Variants in STAT3 observed in about 807,000 individuals in gnomAD.
The protein encoded by STAT3 is signal transducer and activator of transcription 3, also known as DNA-binding protein APRF.
In STAT3, 7 loss-of-function variants were observed where a neutral mutation model predicts 114.3. The observed-to-expected ratio is 0.06, with a 90% CI of 0.03 to 0.11. The LOEUF (loss-of-function observed/expected upper bound fraction) is 0.11, where lower values mean the gene tolerates loss of function less well. STAT3 is among the 10% of genes least tolerant of loss of function. STAT3 has a pLI of 1.00. For synonymous variants in STAT3, 331 were observed against 354.5 expected (o/e 0.93, Z 0.74); for missense variants, 364 against 960.9 (o/e 0.38, Z 8.21).
chr17:42,367,128 C>T (rs2083845453), intron 1 of STAT3, among the ~76,000 whole-genome samples: 1 of 151,654 alleles, frequency 6.6e-6, no homozygotes, highest in Admixed American at 6.6e-5. Context: ...GGTGACACAG[C>T]GAGACTCCGT....
intron 14 of STAT3, among the ~76,000 whole-genome samples, chr17:42,328,286 A>C (rs1475026501): frequency 1.3e-5 from 2 of 152,204 alleles, no homozygotes; most frequent in African/African-American, 4.8e-5. Flanking sequence ...ATACTATTCA[A>C]ATTATTTTAC....
In STAT3 at chr17:42,350,009, T is replaced by C. The variant is rs979571626; in HGVS notation, c.-23-1470A>G. Among the ~76,000 whole-genome samples the C allele has an allele frequency of 4.4e-4, 66 of 151,442 alleles. 1 individual carries two copies. The highest frequency in any genetic ancestry group is 6.6e-5 in the Admixed American group (1 of 15,162). On this transcript the variant is annotated intron_variant, in intron 1 of 23. Transcript: ENST00000264657. ...AGGCAGAGGTTGAGGTGAGCTGAGA[T>C]CGTGCCACTGCATTCCAGTCTGGCA...
At chr17:42,336,805 CATGT>C (rs1412665666) in intron 8 of STAT3, among the ~76,000 whole-genome samples, 1 of 151,794 alleles carries the variant, frequency 6.6e-6, no homozygotes, top group African/African-American at 2.4e-5. Context: ...TTAAAAAGGG[CATGT>C]GTCATTTTAG....
In STAT3 at chr17:42,343,826, A is replaced by G. The variant is rs73983714; in HGVS notation, c.372+1733T>C. Among the ~76,000 whole-genome samples the G allele has an allele frequency of 2.7e-3, 415 of 152,232 alleles. 5 individuals carry two copies. The highest frequency in any genetic ancestry group is 0.014 in the Middle Eastern group (4 of 294). ...ATTAGGGGAACTGCAGATTCTAAAA[A>G]TATTTATCTTGTATACAATGGCCTT... is the stretch of plus-strand genomic sequence containing the variant. On this transcript the variant is annotated intron_variant, in intron 4 of 23. Coordinates refer to ENST00000264657, the MANE Select transcript of STAT3 (RefSeq NM_139276.3).
rs1021554151 is a variant in STAT3 at position 42,346,819 on chromosome 17, C to T, written c.129-106G>A. 6.8e-6 allele frequency: 10 copies of T among 1,479,738 alleles called. No individual in the cohort carries two copies. In the Admixed American group the frequency reaches 1.0e-4, roughly 15 times the overall value. The allele number at this position is 1,479,738 out of a possible 1,614,324, so 91.7% of individuals were successfully genotyped here. On this transcript the variant is annotated intron_variant, in intron 2 of 23. Coordinates refer to ENST00000264657, the MANE Select transcript of STAT3 (RefSeq NM_139276.3). ...GAAAAAAACAAAAAAACAAAGCAAA[C>T]CTGATGCTATAACCCATTCATCATG...
intron 23 of STAT3, 95 bp downstream of exon 23, chr17:42,316,694 C>T (rs2081264259): frequency 6.4e-7 from 1 of 1,573,622 alleles, no homozygotes; most frequent in African/African-American, 1.4e-5. Context: ...TCCTACCATT[C>T]CGAGTGACCA....
At chr17:42,379,744 G>A (rs1339661447) in intron 1 of STAT3, among the ~76,000 whole-genome samples, 1 of 152,140 alleles carries the variant, frequency 6.6e-6, no homozygotes, top group East Asian at 1.9e-4. Context: ...TAAAATAAGG[G>A]AGAGGTAATC....
intron 1 of STAT3, among the ~76,000 whole-genome samples, chr17:42,363,662 G>A (rs1207268783): frequency 6.7e-6 from 1 of 149,568 alleles, no homozygotes. Context: ...ATGTTGCCCA[G>A]GATGGTCTCG....
chr17:42,337,612 G>C lies in STAT3; in HGVS notation c.646-26C>G. On this transcript the variant is annotated intron_variant, in intron 7 of 23. Transcript: ENST00000264657. This position sits in a 1 kb window ranked among gnomAD's most constrained non-coding sequence, Gnocchi z 4.0. ...CTGGTTGGAAACCAAAACAAAGTCA[G>C]AAAACATTTCCTCAGACTGTCTCTA... The C allele has an allele frequency of 6.2e-7, 1 of 1,614,144 alleles. No individual in the cohort carries two copies. Among genetic ancestry groups the C allele is most frequent in the Non-Finnish European group, 8.5e-7 (1 of 1,180,032 alleles).
chr17:42,348,347 C>A, intron 2 of STAT3, 42 bp downstream of exon 2: 1 of 1,613,440 alleles, frequency 6.2e-7, no homozygotes, highest in Non-Finnish European at 8.5e-7. Context: ...TTGACTCAAA[C>A]TGAAACCTAA....
intron 1 of STAT3, 140 bp from the exon 2 acceptor site, chr17:42,348,679 A>G (rs776806562): frequency 1.5e-5 from 15 of 1,003,952 alleles, no homozygotes; most frequent in African/African-American, 1.6e-5. Flanking sequence ...TCTTTCTCCC[A>G]GTTTATTTTA....
At chr17:42,317,013 C>T in intron 22 of STAT3, 112 bp from the exon 23 acceptor site, 1 of 1,557,032 alleles carries the variant, frequency 6.4e-7, no homozygotes, top group East Asian at 2.3e-5. Flanking sequence ...TGGTCTCCAA[C>T]AGAAAAATAA....
intron 4 of STAT3, among the ~76,000 whole-genome samples, chr17:42,340,355 CA>C (rs10706259): frequency 0.48 from 55,913 of 116,982 alleles, 12,992 homozygotes; most frequent in African/African-American, 0.68. Flanking sequence ...AACTCCATCT[CA>C]AAAAAAAAAA....
Position 42,345,566 on chromosome 17 carries a change from G to A in STAT3, c.365C>T (p.Ala122Val), listed in dbSNP as rs774724351. ...ESRLLQTAAT[A>V]AQQGGQANHP... is the part of the protein sequence containing the mutation. ...TTTTGTCTCAGGTCTCACCTGGGCC[G>A]CAGTGGCTGCAGTCTGTAGAAGGCG... The change falls in exon 4 of 24, where the codon GCG becomes GTG. Residue 122 changes from alanine (A) to valine (V), a missense_variant. This residue lies in a region of STAT3 where 294 missense variants were observed against 745.1 expected (regional missense o/e 0.39). Transcript: ENST00000264657. The A allele has an allele frequency of 2.9e-5, 47 of 1,602,766 alleles. No homozygotes were observed. The highest frequency in any genetic ancestry group is 1.7e-4 in the Middle Eastern group (1 of 5,900).
chr17:42,320,231 A>G (rs1265901411), intron 21 of STAT3, among the ~76,000 whole-genome samples: 19 of 152,192 alleles, frequency 1.2e-4, no homozygotes, highest in Non-Finnish European at 1.0e-4. Flanking sequence ...CAGGACCCCA[A>G]CAAAGGAGAA....
intron 1 of STAT3, among the ~76,000 whole-genome samples, chr17:42,363,766 A>G (rs1598483316): frequency 6.6e-6 from 1 of 151,996 alleles, no homozygotes; most frequent in Non-Finnish European, 1.5e-5. Context: ...GGTGACTTTC[A>G]TAAGTGTTGT....
In STAT3 at chr17:42,314,111, C is replaced by T. The variant is rs2081168988; in HGVS notation, c.*1634G>A. The T allele has an allele frequency of 4.3e-6, 1 of 232,368 alleles. No homozygotes were observed. The highest frequency in any genetic ancestry group is 6.1e-5 in the East Asian group (1 of 16,520). 14.4% of individuals were successfully genotyped at this position (232,368 alleles called of 1,614,324 possible). A position where few individuals can be genotyped will look rare whatever the true frequency, so the allele number is the denominator to read the frequency against. On this transcript the variant is annotated 3_prime_UTR_variant, in exon 24 of 24. Transcript: ENST00000264657. ...CAAGGCGGGCAGGCGGGGAGGCCCTCTAGCTGTTCTGCCTCACCTGTGGGG... is the reference window on the plus strand; with the variant it reads ...CAAGGCGGGCAGGCGGGGAGGCCCTTTAGCTGTTCTGCCTCACCTGTGGGG...
At chr17:42,376,485 T>C (rs183040528) in intron 1 of STAT3, among the ~76,000 whole-genome samples, 1 of 143,760 alleles carries the variant, frequency 7.0e-6, no homozygotes, top group Non-Finnish European at 1.5e-5. Flanking sequence ...AGGTGGAGGT[T>C]GCAGTGAGCG....
intron 23 of STAT3, 140 bp from the exon 24 acceptor site, chr17:42,315,940 G>C (rs1016048814): frequency 2.6e-5 from 40 of 1,550,082 alleles, no homozygotes; most frequent in Non-Finnish European, 3.4e-5. Flanking sequence ...GGGATGGTCA[G>C]AAAAGCCAGA....
Sources: gnomAD v4.1 joint callset for allele counts (sites outside exome capture counted in the v4.1 genomes callset) on GRCh38, gnomAD v4.1.1 for gene constraint, gnomAD v4.1.1 regional missense constraint, Gnocchi (gnomAD v3.1) non-coding constraint, MANE v1.5 for transcripts, NCBI Gene and HGNC (gene_info 2026-07-23, HGNC 2026-07-21) for gene names.